HEMK2: variants seen among roughly 807,000 people sequenced by gnomAD.
HEMK2 encodes the protein HemK methyltransferase 2, ETF1 glutamine and histone H4 lysine, also known as methyltransferase HEMK2.
At chr21:28,739,065 T>C in the HEMK2 span, among the ~76,000 whole-genome samples, 1 of 152,216 alleles carries the variant, frequency 6.6e-6, no homozygotes, top group East Asian at 1.9e-4. Flanking sequence ...GAAGCTCATG[T>C]GTACTTAAAA....
the HEMK2 span, among the ~76,000 whole-genome samples, chr21:28,806,296 T>C: frequency 5.3e-5 from 8 of 152,190 alleles, no homozygotes; most frequent in African/African-American, 1.9e-4. Context: ...GGCAATAGTT[T>C]AATGAATTTA....
chr21:28,730,181 C>A, the HEMK2 span, among the ~76,000 whole-genome samples: 1 of 148,892 alleles, frequency 6.7e-6, no homozygotes, highest in East Asian at 2.0e-4. Context: ...AGTTCAAGAC[C>A]AGCCTGGGGA....
At chr21:28,685,491 T>A in the HEMK2 span, among the ~76,000 whole-genome samples, 3 of 152,108 alleles carry the variant, frequency 2.0e-5, no homozygotes, top group Non-Finnish European at 4.4e-5. Flanking sequence ...AGGAAAAATA[T>A]ATTAAGAAAG....
At chr21:28,668,600 C>T in the HEMK2 span, among the ~76,000 whole-genome samples, 1 of 152,134 alleles carries the variant, frequency 6.6e-6, no homozygotes, top group Non-Finnish European at 1.5e-5. Flanking sequence ...TGACCAGGTC[C>T]AATAGCTATG....
chr21:28,883,103 T>G, the HEMK2 span: 5 of 1,471,142 alleles, frequency 3.4e-6, no homozygotes, highest in South Asian at 6.3e-5. Context: ...ATTAGTATAG[T>G]AGAATCAAAA....
the HEMK2 span, among the ~76,000 whole-genome samples, chr21:28,688,425 G>A: frequency 6.6e-6 from 1 of 152,166 alleles, no homozygotes; most frequent in South Asian, 2.1e-4. Context: ...TTTATCTTCA[G>A]ATGCTGCTCT....
chr21:28,743,906 C>T, the HEMK2 span, among the ~76,000 whole-genome samples: 1 of 152,166 alleles, frequency 6.6e-6, no homozygotes, highest in African/African-American at 2.4e-5. Context: ...GAATACTATA[C>T]AGCCATGAAA....
the HEMK2 span, among the ~76,000 whole-genome samples, chr21:28,593,391 A>G: frequency 1.3e-5 from 2 of 152,200 alleles, no homozygotes; most frequent in Non-Finnish European, 2.9e-5. Context: ...AAGATACTCA[A>G]CCTGTATACG....
At chr21:28,815,686 A>T in the HEMK2 span, among the ~76,000 whole-genome samples, 1 of 152,190 alleles carries the variant, frequency 6.6e-6, no homozygotes, top group African/African-American at 2.4e-5. Flanking sequence ...GACAAAGACA[A>T]AGATGAGCAA....
the HEMK2 span, among the ~76,000 whole-genome samples, chr21:28,796,220 C>T: frequency 6.6e-6 from 1 of 151,962 alleles, no homozygotes; most frequent in African/African-American, 2.4e-5. Flanking sequence ...CAGCAACCTC[C>T]GCCACCCGCC....
At chr21:28,775,916 T>C in the HEMK2 span, among the ~76,000 whole-genome samples, 5 of 146,962 alleles carry the variant, frequency 3.4e-5, no homozygotes, top group East Asian at 9.7e-4. Context: ...GGCGTGACTG[T>C]TAAAATGCCA....
At chr21:28,702,737 G>A in the HEMK2 span, among the ~76,000 whole-genome samples, 1 of 152,090 alleles carries the variant, frequency 6.6e-6, no homozygotes, top group Admixed American at 6.5e-5. Context: ...CACACATTGT[G>A]GAAAGCAGTT....
At chr21:28,663,351 T>A in the HEMK2 span, among the ~76,000 whole-genome samples, 1 of 152,168 alleles carries the variant, frequency 6.6e-6, no homozygotes, top group South Asian at 2.1e-4. Flanking sequence ...GATCTCCTAA[T>A]TTTTTGAGAG....
chr21:28,770,866 C>A, the HEMK2 span, among the ~76,000 whole-genome samples: 1 of 152,118 alleles, frequency 6.6e-6, no homozygotes, highest in Non-Finnish European at 1.5e-5. Context: ...CACTGAGCAC[C>A]TAGATCAGAC....
At chr21:28,625,897 T>C in the HEMK2 span, among the ~76,000 whole-genome samples, 1 of 152,120 alleles carries the variant, frequency 6.6e-6, no homozygotes, top group Non-Finnish European at 1.5e-5. Context: ...GAAAATATCC[T>C]GTAAAAGAAA....
the HEMK2 span, among the ~76,000 whole-genome samples, chr21:28,764,171 G>A: frequency 4.6e-5 from 7 of 152,010 alleles, no homozygotes; most frequent in Non-Finnish European, 7.4e-5. Context: ...TTATCTTAGA[G>A]TCTGTTACTG....
At chr21:28,617,883 G>C in the HEMK2 span, among the ~76,000 whole-genome samples, 2 of 151,782 alleles carry the variant, frequency 1.3e-5, no homozygotes, top group Admixed American at 6.6e-5. Context: ...CGACTTCCTA[G>C]GCTCAGGTGG....
At chr21:28,705,102 A>C in the HEMK2 span, among the ~76,000 whole-genome samples, 2 of 152,072 alleles carry the variant, frequency 1.3e-5, no homozygotes, top group Non-Finnish European at 2.9e-5. Flanking sequence ...TTTTCTCTCC[A>C]AGCAGCTTGG....
chr21:28,873,128 T>C, the HEMK2 span: 286 of 152,314 alleles, frequency 1.9e-3, 3 homozygotes, highest in African/African-American at 6.7e-3. Flanking sequence ...CAATCCAGCA[T>C]TCCACCAGAA....
Sources: gnomAD v4.1 joint callset for allele counts (sites outside exome capture counted in the v4.1 genomes callset) on GRCh38, gnomAD v4.1.1 for gene constraint, MANE v1.5 for transcripts, NCBI Gene and HGNC (gene_info 2026-07-23, HGNC 2026-07-21) for gene names.